Variants in SPAG1 observed in about 807,000 individuals in gnomAD.
SPAG1 encodes the protein sperm associated antigen 1.
SPAG1 carries 69 observed loss-of-function variants against 100.5 expected under a neutral mutation model. That is an observed-to-expected ratio of 0.69 (90% CI 0.57 to 0.84). The LOEUF (loss-of-function observed/expected upper bound fraction) is 0.84, where lower values mean the gene tolerates loss of function less well. Ranked by LOEUF, SPAG1 falls within the 40% of genes least tolerant of loss-of-function variation. The pLI is 0.00. For synonymous variants in SPAG1, 336 were observed against 411.6 expected (o/e 0.82, Z 2.22); for missense variants, 955 against 1,133.1 (o/e 0.84, Z 2.26).
Position 100,213,930 on chromosome 8 carries a change from G to T in SPAG1, c.1535+12G>T. On this transcript the variant is annotated intron_variant, in intron 12 of 18. Coordinates refer to ENST00000388798, the MANE Select transcript of SPAG1 (RefSeq NM_003114.5). ...CAAGATTGTAACAGGTAAACTGCACGTTTTCAGGTTTGTCAAGAGATTGTT... is the reference window on the plus strand; with the variant it reads ...CAAGATTGTAACAGGTAAACTGCACTTTTTCAGGTTTGTCAAGAGATTGTT... The T allele has an allele frequency of 6.9e-7, 1 of 1,439,902 alleles. No individual in the cohort carries two copies. 89.2% of individuals were successfully genotyped at this position (1,439,902 alleles called of 1,614,324 possible).
rs1284045170 is a variant in SPAG1 at position 100,241,153 on chromosome 8, C to G, written c.*131C>G. On this transcript the variant is annotated 3_prime_UTR_variant, in exon 19 of 19. Coordinates refer to ENST00000388798, the MANE Select transcript of SPAG1 (RefSeq NM_003114.5). This position sits in a 1 kb window ranked among gnomAD's most constrained non-coding sequence, Gnocchi z 5.1. ...TTGGTCTGCACTATAAAACATTTTA[C>G]TTATTTTCCTACATAGAACATGTAT... 1 of 729,834 alleles carries G rather than the reference C, an allele frequency of 1.4e-6. No individual in the cohort carries two copies. Among genetic ancestry groups the G allele is most frequent in the African/African-American group, 1.8e-5 (1 of 55,412 alleles). 45.2% of individuals were successfully genotyped at this position (729,834 alleles called of 1,614,324 possible). A position where few individuals can be genotyped will look rare whatever the true frequency, so the allele number is the denominator to read the frequency against.
intron 12 of SPAG1, 34 bp from the exon 13 acceptor site, chr8:100,220,245 A>G (rs765464273): frequency 6.3e-7 from 1 of 1,582,754 alleles, no homozygotes; most frequent in African/African-American, 1.4e-5. Flanking sequence ...CATTTTTCAA[A>G]ACAAATGGTA....
At chr8:100,220,773 C>A (rs971467423) in intron 13 of SPAG1, among the ~76,000 whole-genome samples, 16 of 152,046 alleles carry the variant, frequency 1.1e-4, no homozygotes, top group African/African-American at 3.9e-4. Flanking sequence ...ACATAGATAT[C>A]ATAAAATCAG....
At chr8:100,234,144 A>G (rs1041748178) in intron 16 of SPAG1, among the ~76,000 whole-genome samples, 3 of 152,242 alleles carry the variant, frequency 2.0e-5, no homozygotes, top group Non-Finnish European at 2.9e-5. Context: ...GAATGTTCAT[A>G]TTTATAGAAA....
chr8:100,175,474 G>A (rs1049699527), intron 3 of SPAG1, among the ~76,000 whole-genome samples: 1 of 151,986 alleles, frequency 6.6e-6, no homozygotes, highest in African/African-American at 2.4e-5. Context: ...TTTTAGTAGA[G>A]ATGGGGTTTC....
chr8:100,204,927 A>G (rs955425809), intron 10 of SPAG1, among the ~76,000 whole-genome samples: 2 of 152,222 alleles, frequency 1.3e-5, no homozygotes, highest in African/African-American at 4.8e-5. Flanking sequence ...AGGTGGACGT[A>G]GCTACCATAA....
intron 12 of SPAG1, among the ~76,000 whole-genome samples, chr8:100,218,411 C>A (rs1818108303): frequency 6.6e-6 from 1 of 152,190 alleles, no homozygotes; most frequent in Non-Finnish European, 1.5e-5. Flanking sequence ...GCACCTTGGT[C>A]ATTGGAAGTC....
chr8:100,233,566 A>T (rs1306066031), intron 16 of SPAG1, 29 bp downstream of exon 16: 1 of 1,555,376 alleles, frequency 6.4e-7, no homozygotes, highest in Admixed American at 2.0e-5. Context: ...TAATGCATAA[A>T]CTTCAGCTCT....
intron 10 of SPAG1, among the ~76,000 whole-genome samples, chr8:100,196,952 C>T (rs1015113530): frequency 2.7e-4 from 41 of 151,742 alleles, no homozygotes; most frequent in African/African-American, 8.7e-4. Context: ...GATGGAGTCT[C>T]GCCATTTCGC....
intron 15 of SPAG1, among the ~76,000 whole-genome samples, chr8:100,231,836 C>T (rs967964259): frequency 6.6e-6 from 1 of 152,118 alleles, no homozygotes; most frequent in Non-Finnish European, 1.5e-5. Flanking sequence ...GCGGCAGGCA[C>T]CTGTAGTCCC....
chr8:100,224,949 C>CT (rs562849309), intron 13 of SPAG1, among the ~76,000 whole-genome samples: 1 of 151,936 alleles, frequency 6.6e-6, no homozygotes, highest in African/African-American at 2.4e-5. Context: ...TTAAAAATGT[C>CT]TTTTTTGTTT....
intron 8 of SPAG1, among the ~76,000 whole-genome samples, chr8:100,189,648 CTG>C (rs1187328494): frequency 6.6e-6 from 1 of 152,076 alleles, no homozygotes; most frequent in East Asian, 1.9e-4. Context: ...AAGAAAGACT[CTG>C]TTTCAAAAAA....
chr8:100,217,128 G>A (rs928417448), intron 12 of SPAG1, among the ~76,000 whole-genome samples: 1 of 151,610 alleles, frequency 6.6e-6, no homozygotes, highest in East Asian at 1.9e-4. Context: ...TGTAGAGAAG[G>A]GGTTTCACCA....
At chr8:100,159,211 A>G (rs920608345) in intron 1 of SPAG1, among the ~76,000 whole-genome samples, 1 of 152,186 alleles carries the variant, frequency 6.6e-6, no homozygotes, top group Non-Finnish European at 1.5e-5. Flanking sequence ...CTTCTAAGGC[A>G]ACCCATTCTA....
At chr8:100,201,696 AG>A (rs1817282208) in intron 10 of SPAG1, among the ~76,000 whole-genome samples, 1 of 152,106 alleles carries the variant, frequency 6.6e-6, no homozygotes, top group African/African-American at 2.4e-5. Context: ...TCCCCAAGGC[AG>A]GACTCTAATC....
At chr8:100,205,783 G>A (rs1229181625) in intron 10 of SPAG1, among the ~76,000 whole-genome samples, 1 of 151,978 alleles carries the variant, frequency 6.6e-6, no homozygotes, top group Admixed American at 6.6e-5. Context: ...TTGGGAGGCC[G>A]AGGCGGGCAG....
At chr8:100,208,658 T>C (rs1190554135) in intron 10 of SPAG1, among the ~76,000 whole-genome samples, 1 of 152,238 alleles carries the variant, frequency 6.6e-6, no homozygotes, top group Non-Finnish European at 1.5e-5. Context: ...TGTGCATGTA[T>C]ACATTTGTAC....
chr8:100,234,553 G>A (rs1469731650), intron 16 of SPAG1, among the ~76,000 whole-genome samples: 1 of 152,150 alleles, frequency 6.6e-6, no homozygotes, highest in East Asian at 1.9e-4. Flanking sequence ...AGCATAACCT[G>A]AGATTTGTTT....
chr8:100,169,652 T>A (rs1242103897), intron 3 of SPAG1, among the ~76,000 whole-genome samples: 2 of 151,862 alleles, frequency 1.3e-5, no homozygotes, highest in African/African-American at 4.8e-5. Context: ...GCACAAGAAT[T>A]GCTTGAACCT....
Sources: gnomAD v4.1 joint callset for allele counts (sites outside exome capture counted in the v4.1 genomes callset) on GRCh38, gnomAD v4.1.1 for gene constraint, Gnocchi (gnomAD v3.1) non-coding constraint, MANE v1.5 for transcripts, NCBI Gene and HGNC (gene_info 2026-07-23, HGNC 2026-07-21) for gene names.